Variants in NRG1 observed in about 807,000 individuals in gnomAD.
The protein encoded by NRG1 is neuregulin 1, also known as pro-neuregulin-1, membrane-bound isoform.
NRG1 carries 18 observed loss-of-function variants against 63.8 expected under a neutral mutation model. The observed-to-expected ratio is 0.28, with a 90% CI of 0.19 to 0.42. The LOEUF (loss-of-function observed/expected upper bound fraction) is 0.42, where lower values mean the gene tolerates loss of function less well. Ranked by LOEUF, NRG1 falls within the 10% of genes least tolerant of loss-of-function variation. The pLI is 1.00. For missense variants in NRG1, 762 were observed against 814.7 expected (o/e 0.94, Z 0.79); for synonymous variants, 302 against 301.3 (o/e 1.00, Z -0.02).
rs1804077268 is a variant in NRG1, at chr8:32,341,543, C to A, written c.38-254285C>A. On this transcript the variant is annotated intron_variant, in intron 1 of 10. Coordinates refer to the NRG1 transcript ENST00000519301. The stretch of plus-strand genomic sequence containing the variant: ...CCTGCTGTCCTGTGGGCAGTGAGGC[C>A]CAGGGATTACACCAAAGGAGCAGGA... 2.0e-5 allele frequency among the ~76,000 whole-genome samples: 3 copies of A among 152,092 alleles called. No homozygotes were observed. The South Asian group carries it at 6.2e-4, about 32-fold the overall frequency.
At chr8:31,867,223 T>C (rs1437805983) in intron 1 of NRG1, among the ~76,000 whole-genome samples, 3 of 152,166 alleles carry the variant, frequency 2.0e-5, no homozygotes, top group Non-Finnish European at 4.4e-5. Flanking sequence ...TTTCTGAATG[T>C]GGTAAGCCAC....
intron 1 of NRG1, chr8:31,639,866 G>T: frequency 9.0e-7 from 1 of 1,108,956 alleles, no homozygotes. Flanking sequence ...TAAATAAAAG[G>T]AGGAGGGCAA....
chr8:31,768,874 C>T lies in NRG1; in HGVS notation c.37+129443C>T, dbSNP rs549021355. On this transcript the variant is annotated intron_variant, in intron 1 of 10. Coordinates refer to the NRG1 transcript ENST00000519301. ...CATTTATGGAATTTCCTGGAATCCA[C>T]AGTTATCTTAAACTCTGTTCCACTT... Among the ~76,000 whole-genome samples the T allele has an allele frequency of 3.5e-4, 54 of 152,306 alleles. 1 individual carries two copies. Among genetic ancestry groups the T allele is most frequent in the African/African-American group, 1.2e-3 (48 of 41,574 alleles).
rs770779308 is a variant in NRG1 at position 32,756,629 on chromosome 8, A to T, written c.921+100A>T. 4 of 1,434,094 alleles carry T rather than the reference A, an allele frequency of 2.8e-6. No individual in the cohort carries two copies. In the Admixed American group the frequency reaches 1.0e-4, roughly 36 times the overall value. The allele number at this position is 1,434,094 out of a possible 1,614,324, so 88.8% of individuals were successfully genotyped here. A position where few individuals can be genotyped will look rare whatever the true frequency, so the allele number is the denominator to read the frequency against. ...AGCTCTTAAGCTTTTAGCTGCTGCCATTAATCACCATGGCTTCCAGGAATC... is the reference window on the plus strand; with the variant it reads ...AGCTCTTAAGCTTTTAGCTGCTGCCTTTAATCACCATGGCTTCCAGGAATC... On this transcript the variant is annotated intron_variant, in intron 9 of 11. Transcript: ENST00000356819.
intron 1 of NRG1, among the ~76,000 whole-genome samples, chr8:32,209,575 G>A (rs1014701811): frequency 1.1e-4 from 16 of 152,022 alleles, no homozygotes; most frequent in African/African-American, 3.4e-4. Flanking sequence ...AGAGGGTTTC[G>A]CCAAAAGATT....
chr8:31,945,584 A>G (rs1229759296), intron 1 of NRG1, among the ~76,000 whole-genome samples: 2 of 151,988 alleles, frequency 1.3e-5, no homozygotes, highest in Non-Finnish European at 1.5e-5. Flanking sequence ...TGTAAAAGTT[A>G]GATTTGGGAT....
rs189699877 is a variant in NRG1 at position 32,265,127 on chromosome 8, C to A, written c.38-330701C>A. Among the ~76,000 whole-genome samples, 89 of 152,118 alleles carry A rather than the reference C, an allele frequency of 5.9e-4. 1 individual carries two copies. In the Middle Eastern group the frequency reaches 0.01, roughly 17 times the overall value. On this transcript the variant is annotated intron_variant, in intron 1 of 10. Coordinates refer to the NRG1 transcript ENST00000519301. ...CCAAGGCAGGAGGATTGCTTGTGTC[C>A]AGGAGTTTAAGACAACCTGGCAAAT...
At chr8:32,347,347 C>T (rs1805044349) in intron 1 of NRG1, among the ~76,000 whole-genome samples, 1 of 152,160 alleles carries the variant, frequency 6.6e-6, no homozygotes, top group Non-Finnish European at 1.5e-5. Flanking sequence ...ATTTCACGCT[C>T]TATGGAGATC....
rs948185801 is a variant in NRG1 at position 32,501,875 on chromosome 8, C to T, written c.38-93953C>T. 9.2e-5 allele frequency among the ~76,000 whole-genome samples: 14 copies of T among 152,146 alleles called. No individual in the cohort carries two copies. In the South Asian group the frequency reaches 1.2e-3, roughly 14 times the overall value. ...GGTATAGTGGCTGAGGCCTGTAATT[C>T]CAGTCCTTTAGGAGGCTAAGGTGGG... On this transcript the variant is annotated intron_variant, in intron 1 of 10. Transcript: ENST00000519301.
chr8:31,957,568 T>C (rs770845260), intron 1 of NRG1, among the ~76,000 whole-genome samples: 11 of 152,162 alleles, frequency 7.2e-5, no homozygotes, highest in Non-Finnish European at 1.3e-4. Context: ...CAAAAAGTAA[T>C]TTCATCCAAA....
In NRG1 at chr8:32,374,813, G is replaced by T. The variant is rs1294878082; in HGVS notation, c.38-221015G>T. Reference sequence around the variant, plus strand: ...TTAAAGTTACTAAGAAAACAGGCCAGGTCTCTGTAATGTAGGGAAGCAGAG... The same window carrying T: ...TTAAAGTTACTAAGAAAACAGGCCATGTCTCTGTAATGTAGGGAAGCAGAG... On this transcript the variant is annotated intron_variant, in intron 1 of 10. Transcript: ENST00000519301. 2.0e-5 allele frequency among the ~76,000 whole-genome samples: 3 copies of T among 152,116 alleles called. No individual in the cohort carries two copies. The East Asian group carries it at 5.8e-4, about 29-fold the overall frequency.
chr8:32,069,830 T>C (rs1481497441), intron 1 of NRG1, among the ~76,000 whole-genome samples: 2 of 152,186 alleles, frequency 1.3e-5, no homozygotes. Flanking sequence ...TAGATCTCCC[T>C]GCAGTGGTTT....
intron 1 of NRG1, among the ~76,000 whole-genome samples, chr8:31,657,894 A>T (rs954193034): frequency 1.3e-5 from 2 of 152,158 alleles, no homozygotes; most frequent in Non-Finnish European, 2.9e-5. Context: ...AAGGCTGGGA[A>T]CAAGAAGGTC....
chr8:32,453,468 G>T (rs1821225120), intron 1 of NRG1, among the ~76,000 whole-genome samples: 1 of 152,178 alleles, frequency 6.6e-6, no homozygotes, highest in Non-Finnish European at 1.5e-5. Context: ...CTTCACCTCT[G>T]CGTGTGTAAA....
intron 1 of NRG1, among the ~76,000 whole-genome samples, chr8:32,492,065 A>G (rs1587952760): frequency 6.6e-6 from 1 of 152,140 alleles, no homozygotes; most frequent in African/African-American, 2.4e-5. Flanking sequence ...TAATTATTTC[A>G]CTCATCAAAG....
At chr8:31,939,229 A>G (rs1221166577) in intron 1 of NRG1, among the ~76,000 whole-genome samples, 1 of 152,182 alleles carries the variant, frequency 6.6e-6, no homozygotes, top group African/African-American at 2.4e-5. Context: ...GAAACCCTAC[A>G]AGTTAGAAGA....
At chr8:32,378,071 G>A (rs1038700571) in intron 1 of NRG1, among the ~76,000 whole-genome samples, 1 of 152,184 alleles carries the variant, frequency 6.6e-6, no homozygotes, top group Admixed American at 6.5e-5. Flanking sequence ...CCAGAGGAGG[G>A]CCGCTTGTGG....
intron 5 of NRG1, among the ~76,000 whole-genome samples, chr8:32,662,226 A>G (rs1279543517): frequency 1.3e-5 from 2 of 152,200 alleles, no homozygotes; most frequent in Non-Finnish European, 2.9e-5. Context: ...AAAAAGTAAC[A>G]GCTGATGAAA....
At chr8:32,743,304 A>T (rs1826769921) in intron 7 of NRG1, 1 of 830,034 alleles carries the variant, frequency 1.2e-6, no homozygotes, top group African/African-American at 1.8e-5. Context: ...GGAAAATTAA[A>T]AACAAACATT....
Sources: gnomAD v4.1 joint callset for allele counts (sites outside exome capture counted in the v4.1 genomes callset) on GRCh38, gnomAD v4.1.1 for gene constraint, MANE v1.5 for transcripts, NCBI Gene and HGNC (gene_info 2026-07-23, HGNC 2026-07-21) for gene names.